The following GPR158 variants were observed in gnomAD, a reference collection of about 807,000 sequenced individuals.
GPR158 encodes G protein-coupled receptor 158.
GPR158 carries 30 observed loss-of-function variants against 78.2 expected under a neutral mutation model. The observed-to-expected ratio is 0.38, with a 90% CI of 0.29 to 0.52. The LOEUF (loss-of-function observed/expected upper bound fraction) is 0.52. Among genes scored for constraint, GPR158 ranks in the 20% least tolerant of loss-of-function variants. GPR158 has a pLI of 0.83. For synonymous variants in GPR158, 581 were observed against 591.1 expected (o/e 0.98, Z 0.25); for missense variants, 1,463 against 1,523.5 (o/e 0.96, Z 0.66).
intron 1 of GPR158, among the ~76,000 whole-genome samples, chr10:25,219,143 CAGTA>C (rs1853262446): frequency 6.6e-6 from 1 of 152,200 alleles, no homozygotes; most frequent in African/African-American, 2.4e-5. Flanking sequence ...TGAAAGCAGT[CAGTA>C]AGTCAACGAA....
At chr10:25,262,870 A>G (rs1314510141) in intron 2 of GPR158, among the ~76,000 whole-genome samples, 1 of 152,182 alleles carries the variant, frequency 6.6e-6, no homozygotes, top group Non-Finnish European at 1.5e-5. Flanking sequence ...TCCTCTGTGT[A>G]TTCTTTGCCT....
In GPR158 at chr10:25,594,388, G is replaced by A; in HGVS notation, c.1989G>A (p.Leu663=). 6.8e-7 allele frequency: 1 copy of A among 1,462,026 alleles called. No individual in the cohort carries two copies. The highest frequency in any genetic ancestry group is 9.5e-7 in the Non-Finnish European group (1 of 1,053,332). The allele number at this position is 1,462,026 out of a possible 1,614,324, so 90.6% of individuals were successfully genotyped here. The change falls in exon 9 of 11, where the codon TTG becomes TTA. Residue 663 remains leucine (L), a synonymous_variant. Transcript: ENST00000376351. ...LTVTVTIGLL[L]IPKFSHSSNN... ...TGACAGTCACCATTGGGTTGCTTTTGATTCCAAAGGTATTCTTCTAATATT... is the reference window on the plus strand; with the variant it reads ...TGACAGTCACCATTGGGTTGCTTTTAATTCCAAAGGTATTCTTCTAATATT...
chr10:25,527,315 A>G (rs763351470), intron 5 of GPR158, among the ~76,000 whole-genome samples: 6 of 152,214 alleles, frequency 3.9e-5, no homozygotes, highest in Non-Finnish European at 8.8e-5. Context: ...AGTACGTATG[A>G]AATGTTCACC....
intron 2 of GPR158, among the ~76,000 whole-genome samples, chr10:25,332,436 G>A (rs550508382): frequency 1.8e-4 from 28 of 152,188 alleles, no homozygotes; most frequent in Admixed American, 1.6e-3. Flanking sequence ...ATAGAATATT[G>A]AAGCTAAAAT....
At chr10:25,317,830 G>A (rs553860165) in intron 2 of GPR158, among the ~76,000 whole-genome samples, 8 of 151,696 alleles carry the variant, frequency 5.3e-5, no homozygotes, top group Admixed American at 1.3e-4. Flanking sequence ...CTAGGTTCAA[G>A]CGATTCTTCT....
chr10:25,581,951 G>A (rs1393484751), intron 7 of GPR158, among the ~76,000 whole-genome samples: 1 of 152,150 alleles, frequency 6.6e-6, no homozygotes, highest in African/African-American at 2.4e-5. Context: ...TCACAATCAT[G>A]GTGGAAGGTG....
intron 1 of GPR158, among the ~76,000 whole-genome samples, chr10:25,200,934 C>T (rs1213690917): frequency 7.2e-6 from 1 of 138,316 alleles, no homozygotes. Context: ...TGTTTGAAGT[C>T]AGGTAATGTG....
intron 5 of GPR158, among the ~76,000 whole-genome samples, chr10:25,512,929 T>A (rs2130671106): frequency 6.6e-6 from 1 of 152,310 alleles, no homozygotes; most frequent in African/African-American, 2.4e-5. Context: ...TGGATTCAGT[T>A]AGCTAGTATT....
chr10:25,225,127 A>ATTG (rs950023304), intron 2 of GPR158, among the ~76,000 whole-genome samples: 2 of 150,408 alleles, frequency 1.3e-5, no homozygotes, highest in Admixed American at 6.6e-5. Context: ...CATAGACACT[A>ATTG]TTGATAACCA....
At chr10:25,444,039 A>G (rs11014563) in intron 4 of GPR158, among the ~76,000 whole-genome samples, 27,507 of 151,380 alleles carry the variant, frequency 0.18, 3,024 homozygotes, top group African/African-American at 0.32. Context: ...TGCTTTGTAA[A>G]TGGCATCCCT....
Position 25,237,871 on chromosome 10 carries a change from T to G in GPR158, c.1008+16714T>G, listed in dbSNP as rs188927098. On this transcript the variant is annotated intron_variant, in intron 2 of 10. Coordinates refer to ENST00000376351, the MANE Select transcript of GPR158 (RefSeq NM_020752.3). ...TAATTGAAAAACTTATCATAATCAA[T>G]TTTCACCTTTCCATTTCTTCCTGTC... is the stretch of plus-strand genomic sequence containing the variant. Among the ~76,000 whole-genome samples the G allele has an allele frequency of 5.9e-5, 9 of 152,212 alleles. No individual in the cohort carries two copies. In the East Asian group the frequency reaches 1.7e-3, roughly 29 times the overall value.
intron 4 of GPR158, among the ~76,000 whole-genome samples, chr10:25,447,732 T>C (rs1490466097): frequency 6.6e-6 from 1 of 152,254 alleles, no homozygotes; most frequent in East Asian, 1.9e-4. Flanking sequence ...TATGTGAAGG[T>C]AATAAAGATC....
At chr10:25,212,227 G>A (rs551282794) in intron 1 of GPR158, among the ~76,000 whole-genome samples, 62 of 152,250 alleles carry the variant, frequency 4.1e-4, no homozygotes, top group African/African-American at 1.4e-3. Context: ...TCTGCAGGCT[G>A]TACAGGAAGC....
chr10:25,373,034 G>A (rs1834022316), intron 2 of GPR158, among the ~76,000 whole-genome samples: 1 of 151,738 alleles, frequency 6.6e-6, no homozygotes, highest in African/African-American at 2.4e-5. Context: ...TGATAGCAAA[G>A]GCATGGAATC....
chr10:25,334,017 A>G (rs901933329), intron 2 of GPR158, among the ~76,000 whole-genome samples: 1 of 152,164 alleles, frequency 6.6e-6, no homozygotes, highest in Non-Finnish European at 1.5e-5. Flanking sequence ...CCTATACATT[A>G]TAGTTCAAAT....
At chr10:25,434,184 AAG>A (rs1352442743) in intron 4 of GPR158, among the ~76,000 whole-genome samples, 1 of 152,032 alleles carries the variant, frequency 6.6e-6, no homozygotes, top group Non-Finnish European at 1.5e-5. Context: ...AACAAACAAA[AAG>A]AAATCATTTA....
At chr10:25,402,555 T>C (rs1400225111) in intron 3 of GPR158, among the ~76,000 whole-genome samples, 1 of 152,072 alleles carries the variant, frequency 6.6e-6, no homozygotes, top group Non-Finnish European at 1.5e-5. Flanking sequence ...TAAAGGGATA[T>C]AGAATCTCCA....
chr10:25,411,092 C>CT (rs1232329196), intron 3 of GPR158, among the ~76,000 whole-genome samples: 1 of 147,878 alleles, frequency 6.8e-6, no homozygotes, highest in Non-Finnish European at 1.5e-5. Context: ...ATAGTTGTTT[C>CT]TGTTTTGTTT....
rs540389163 is a variant in GPR158, at chr10:25,522,286, G to A, written c.1405-28690G>A. The stretch of plus-strand genomic sequence containing the variant: ...TTTTCAGCTAGTTCCTGTTAACCCC[G>A]TTACCCTCCCAGTGCTTGGCATGGT... On this transcript the variant is annotated intron_variant, in intron 5 of 10. Transcript: ENST00000376351. Among the ~76,000 whole-genome samples the A allele has an allele frequency of 5.3e-5, 8 of 152,264 alleles. No homozygotes were observed. In the South Asian group the frequency reaches 6.2e-4, roughly 12 times the overall value.
Sources: allele counts gnomAD v4.1 joint callset (sites outside exome capture counted in the v4.1 genomes callset), GRCh38; gene constraint gnomAD v4.1.1; transcripts MANE v1.5; gene names NCBI Gene and HGNC (gene_info 2026-07-23, HGNC 2026-07-21).